Variants in PDE4D observed in about 807,000 individuals in gnomAD.
PDE4D encodes the protein phosphodiesterase 4D.
PDE4D carries 24 observed loss-of-function variants against 87.4 expected under a neutral mutation model. The observed-to-expected ratio is 0.27, with a 90% confidence interval of 0.20 to 0.39. The LOEUF is 0.39. Among genes scored for constraint, PDE4D ranks in the 10% least tolerant of loss-of-function variants. PDE4D has a pLI of 1.00. For synonymous variants in PDE4D, 384 were observed against 383.2 expected, an observed-to-expected ratio of 1.00 and a Z score of -0.02; for missense variants, 714 against 1,041.0, an observed-to-expected ratio of 0.69 and a Z score of 4.32.
intron 5 of PDE4D, among the ~76,000 whole-genome samples, chr5:59,146,519 G>C (rs1778684256): frequency 6.6e-6 from 1 of 151,630 alleles, no homozygotes; most frequent in Non-Finnish European, 1.5e-5. Flanking sequence ...AGAGCCAGTT[G>C]AAAGTTAGCA....
At chr5:58,987,168 T>A (rs1412471939) in intron 11 of PDE4D, among the ~76,000 whole-genome samples, 1 of 152,036 alleles carries the variant, frequency 6.6e-6, no homozygotes, top group African/African-American at 2.4e-5. Flanking sequence ...TCCCCACTGA[T>A]ACCTCCCCAC....
intron 1 of PDE4D, among the ~76,000 whole-genome samples, chr5:59,598,554 C>T (rs142860256): frequency 1.9e-4 from 29 of 152,266 alleles, no homozygotes; most frequent in African/African-American, 5.8e-4. Flanking sequence ...ATTAGAGGCA[C>T]AGTCCATTTG....
intron 1 of PDE4D, among the ~76,000 whole-genome samples, chr5:60,208,321 G>C (rs1214909861): frequency 6.6e-6 from 1 of 152,184 alleles, no homozygotes; most frequent in Non-Finnish European, 1.5e-5. Context: ...GGAGGGGCAG[G>C]AGTGAAGCCT....
chr5:59,415,271 G>A (rs887528175), intron 1 of PDE4D, among the ~76,000 whole-genome samples: 4 of 152,120 alleles, frequency 2.6e-5, no homozygotes, highest in Admixed American at 6.5e-5. Context: ...AGAAAAATAC[G>A]GGATTTTCTT....
chr5:60,257,884 T>C (rs1749260751), intron 1 of PDE4D, among the ~76,000 whole-genome samples: 1 of 151,988 alleles, frequency 6.6e-6, no homozygotes, highest in South Asian at 2.1e-4. Flanking sequence ...TGTTATCAAT[T>C]TGCTCAAGTG....
At chr5:59,335,495 G>T (rs1185670994) in intron 1 of PDE4D, among the ~76,000 whole-genome samples, 4 of 152,134 alleles carry the variant, frequency 2.6e-5, no homozygotes, top group Non-Finnish European at 5.9e-5. Flanking sequence ...TGCCCCTATG[G>T]GTGGTCACTG....
chr5:59,223,328 T>A (rs1752977270), intron 1 of PDE4D, among the ~76,000 whole-genome samples: 1 of 152,150 alleles, frequency 6.6e-6, no homozygotes, highest in African/African-American at 2.4e-5. Context: ...GAAACAGTCC[T>A]TCAGACCTCA....
chr5:59,328,945 G>T (rs1017985297), intron 1 of PDE4D, among the ~76,000 whole-genome samples: 1 of 152,206 alleles, frequency 6.6e-6, no homozygotes, highest in East Asian at 1.9e-4. Flanking sequence ...CCAGAAAAGC[G>T]ACTCATCTGC....
chr5:60,351,832 G>A (rs947549480), intron 1 of PDE4D, among the ~76,000 whole-genome samples: 1 of 140,930 alleles, frequency 7.1e-6, no homozygotes, highest in South Asian at 2.5e-4. Flanking sequence ...TAGAGACAGG[G>A]TCTCATTCCA....
chr5:59,504,900 ATATGTG>A (rs1269188338), intron 1 of PDE4D, among the ~76,000 whole-genome samples: 4 of 107,374 alleles, frequency 3.7e-5, no homozygotes, highest in African/African-American at 1.3e-4. Context: ...TGGTAGGGGT[ATATGTG>A]TGTGTGTGTG....
In PDE4D at chr5:58,990,795, C is replaced by T. The variant is rs1251438762; in HGVS notation, c.1287+9G>A. 2.1e-6 allele frequency: 3 copies of T among 1,438,314 alleles called. No individual in the cohort carries two copies. Among genetic ancestry groups the T allele is most frequent in the African/African-American group, 1.4e-5 (1 of 71,510 alleles). 89.1% of individuals were successfully genotyped at this position (1,438,314 alleles called of 1,614,324 possible). A position where few individuals can be genotyped will look rare whatever the true frequency, so the allele number is the denominator to read the frequency against. On this transcript the variant is annotated intron_variant, in intron 9 of 14. Transcript: ENST00000340635. The stretch of plus-strand genomic sequence containing the variant: ...ATAAAATAAATGTAATAGAACTCAA[C>T]CACCTTACCTGAAAAATGGTGTGCA...
chr5:60,111,682 G>A (rs1042341742), intron 2 of PDE4D, among the ~76,000 whole-genome samples: 2 of 151,782 alleles, frequency 1.3e-5, no homozygotes, highest in Non-Finnish European at 2.9e-5. Flanking sequence ...TTTTCCAGAT[G>A]GGTATATCTG....
chr5:60,350,283 C>A (rs1462497254), intron 1 of PDE4D, among the ~76,000 whole-genome samples: 1 of 152,208 alleles, frequency 6.6e-6, no homozygotes, highest in Non-Finnish European at 1.5e-5. Context: ...TGTCTTCCCA[C>A]AGATGACTCC....
chr5:60,263,140 A>G (rs898830049), intron 1 of PDE4D, among the ~76,000 whole-genome samples: 2 of 152,158 alleles, frequency 1.3e-5, no homozygotes, highest in African/African-American at 2.4e-5. Flanking sequence ...CCAACCTCCA[A>G]TGGAGCCGCA....
intron 1 of PDE4D, among the ~76,000 whole-genome samples, chr5:60,465,241 A>T (rs1747258029): frequency 6.6e-6 from 1 of 152,170 alleles, no homozygotes; most frequent in Admixed American, 6.5e-5. Context: ...ATTTCACTAA[A>T]CTATTTCATT....
Position 60,418,175 on chromosome 5 carries a change from G to GA in PDE4D, c.-90+69766dup, listed in dbSNP as rs565086712. On this transcript the variant is annotated intron_variant, in intron 1 of 16. Coordinates refer to the PDE4D transcript ENST00000502484. ...TTCAGAAGAGCAAGTGAGGTAAAGG[G>GA]AAAAAAAACAAGAAAGAAAGAAAAG... 8.0e-4 allele frequency among the ~76,000 whole-genome samples: 117 copies of GA among 146,982 alleles called. 1 individual carries two copies. In the South Asian group the frequency reaches 0.024, roughly 30 times the overall value.
intron 1 of PDE4D, among the ~76,000 whole-genome samples, chr5:60,264,517 C>T (rs990017840): frequency 2.0e-5 from 3 of 152,190 alleles, no homozygotes; most frequent in African/African-American, 7.2e-5. Flanking sequence ...GAAGATAGCC[C>T]AGAGAACAAA....
At chr5:59,121,654 A>G (rs991013285) in intron 5 of PDE4D, among the ~76,000 whole-genome samples, 20 of 152,212 alleles carry the variant, frequency 1.3e-4, no homozygotes, top group Non-Finnish European at 2.9e-4. Flanking sequence ...GAAAACCAGC[A>G]TGGAGATTTC....
At chr5:59,771,940 C>T (rs1386523576) in intron 1 of PDE4D, among the ~76,000 whole-genome samples, 3 of 152,128 alleles carry the variant, frequency 2.0e-5, no homozygotes, top group Non-Finnish European at 4.4e-5. Flanking sequence ...CTTTACAGGT[C>T]CCCATATCCC....
Sources: allele counts gnomAD v4.1 joint callset (sites outside exome capture counted in the v4.1 genomes callset), GRCh38; gene constraint gnomAD v4.1.1; transcripts MANE v1.5; gene names NCBI Gene and HGNC (gene_info 2026-07-23, HGNC 2026-07-21).